SOCS7: variants seen among roughly 807,000 people sequenced by gnomAD.
SOCS7 encodes the protein NAP-4.
Under a neutral mutation model 58.9 loss-of-function variants are expected in SOCS7, and 18 were observed. The observed-to-expected ratio is 0.31, with a 90% confidence interval of 0.21 to 0.45. The LOEUF is 0.45. Among genes scored for constraint, SOCS7 ranks in the 20% least tolerant of loss-of-function variants. SOCS7 has a pLI of 1.00. For missense variants in SOCS7, 667 were observed against 837.3 expected (o/e 0.80, Z 2.51); for synonymous variants, 388 against 364.3 (o/e 1.06, Z -0.74).
At chr17:38,369,443 A>AG (rs1279793774) in intron 6 of SOCS7, among the ~76,000 whole-genome samples, 2 of 152,336 alleles carry the variant, frequency 1.3e-5, no homozygotes, top group East Asian at 3.9e-4. Flanking sequence ...GGAATGAATT[A>AG]GATAACTAGG....
At chr17:38,371,944 G>A (rs1396225977) in intron 6 of SOCS7, among the ~76,000 whole-genome samples, 1 of 151,820 alleles carries the variant, frequency 6.6e-6, no homozygotes, top group East Asian at 1.9e-4. Flanking sequence ...AAGAAGGAAA[G>A]ACTTAGATTT....
chr17:38,364,361 A>G (rs993155899), intron 2 of SOCS7, among the ~76,000 whole-genome samples: 2 of 152,216 alleles, frequency 1.3e-5, no homozygotes, highest in South Asian at 4.1e-4. Flanking sequence ...GTTTGGGCAT[A>G]TAACAAGCCA....
At chr17:38,397,970 C>T (rs2038266233) in intron 9 of SOCS7, among the ~76,000 whole-genome samples, 1 of 152,124 alleles carries the variant, frequency 6.6e-6, no homozygotes, top group African/African-American at 2.4e-5. Context: ...GCAGAGCATT[C>T]TGGGCAAGGG....
At chr17:38,379,148 A>G (rs952750482) in intron 7 of SOCS7, among the ~76,000 whole-genome samples, 1 of 140,140 alleles carries the variant, frequency 7.1e-6, no homozygotes, top group African/African-American at 2.7e-5. Flanking sequence ...ACACAGCGAG[A>G]CCCTGTCTCA....
At chr17:38,366,843 T>C (rs1382514777) in intron 5 of SOCS7, among the ~76,000 whole-genome samples, 1 of 152,202 alleles carries the variant, frequency 6.6e-6, no homozygotes, top group African/African-American at 2.4e-5. Context: ...CTTCCATATT[T>C]ACAGTGACAA....
chr17:38,398,640 T>C (rs1408506392), intron 9 of SOCS7, among the ~76,000 whole-genome samples: 2 of 152,196 alleles, frequency 1.3e-5, no homozygotes, highest in African/African-American at 4.8e-5. Flanking sequence ...CTGCTTGGTC[T>C]ATGTGTGCTG....
At chr17:38,389,902 C>CATATATACGTACATATAT (rs1316838528) in intron 7 of SOCS7, among the ~76,000 whole-genome samples, 2 of 64,684 alleles carry the variant, frequency 3.1e-5, no homozygotes, top group African/African-American at 1.8e-4. Context: ...TATATATACA[C>CATATATACGTACATATAT]ATATAGAGAG....
chr17:38,369,294 C>T (rs1206312458), intron 6 of SOCS7, among the ~76,000 whole-genome samples: 1 of 152,204 alleles, frequency 6.6e-6, no homozygotes, highest in African/African-American at 2.4e-5. Flanking sequence ...CTTCCCCACT[C>T]AGCCCACACT....
At position 38,395,860 on chromosome 17, in the gene SOCS7, T is replaced by G. The variant is rs1424382122; in HGVS notation, c.1830T>G (p.Ser610=). Residue 610 remains serine, a synonymous_variant, in exon 9 of 10, where the codon TCT becomes TCG. Coordinates refer to ENST00000612932, the MANE Select transcript of SOCS7 (RefSeq NM_014598.4). The part of the protein sequence containing the change: ...PDLPLPKPLI[S]YIRKFYYYDP... ...TTGTTTTTCACAGACCTCTGATCTCTTATATCCGAAAGTTCTACTACTATG... is the reference window on the plus strand; with the variant it reads ...TTGTTTTTCACAGACCTCTGATCTCGTATATCCGAAAGTTCTACTACTATG... The G allele has an allele frequency of 6.2e-7, 1 of 1,610,570 alleles. No individual in the cohort carries two copies. The highest frequency in any genetic ancestry group is 2.2e-5 in the East Asian group (1 of 44,872).
At chr17:38,387,523 A>G (rs1346515333) in intron 7 of SOCS7, among the ~76,000 whole-genome samples, 2 of 142,682 alleles carry the variant, frequency 1.4e-5, no homozygotes, top group Non-Finnish European at 3.0e-5. Flanking sequence ...TATATTGTAT[A>G]TATTATATAC....
chr17:38,384,624 C>G (rs2038044181), intron 7 of SOCS7, among the ~76,000 whole-genome samples: 1 of 151,792 alleles, frequency 6.6e-6, no homozygotes, highest in Admixed American at 6.6e-5. Context: ...TGGAGTCTCC[C>G]TCTGTCACCC....
At chr17:38,370,532 G>C (rs1434587740) in intron 6 of SOCS7, among the ~76,000 whole-genome samples, 1 of 151,436 alleles carries the variant, frequency 6.6e-6, no homozygotes, top group Non-Finnish European at 1.5e-5. Context: ...GTAGAGACAG[G>C]GTCTCACTAT....
intron 1 of SOCS7, among the ~76,000 whole-genome samples, chr17:38,359,042 T>G (rs1029451819): frequency 1.3e-5 from 2 of 152,188 alleles, no homozygotes; most frequent in Non-Finnish European, 2.9e-5. Flanking sequence ...CAGCTTCCTT[T>G]GAAAAGAGGC....
chr17:38,352,965 C>G lies in SOCS7; in HGVS notation c.913C>G (p.Leu305Val). The change falls in exon 1 of 10, where the codon CTG (leucine) becomes GTG (valine). Residue 305 changes from leucine to valine, a missense_variant. Coordinates refer to ENST00000612932, the MANE Select transcript of SOCS7 (RefSeq NM_014598.4). The surrounding 1 kb of genome is among the most constrained non-coding windows in gnomAD (Gnocchi z 5.5). ...DGTGKRPSGE[L>V]AASAASLTDM... ...GACCGGCAAGAGGCCTTCTGGAGAG[C>G]TGGCTGCTTCAGCTGCGAGCCTGAC... 6.2e-7 allele frequency: 1 copy of G among 1,607,338 alleles called. No individual in the cohort carries two copies. Among genetic ancestry groups the G allele is most frequent in the Non-Finnish European group, 8.5e-7 (1 of 1,178,350 alleles).
intron 1 of SOCS7, among the ~76,000 whole-genome samples, chr17:38,356,044 C>T (rs1428127493): frequency 4.6e-5 from 7 of 151,950 alleles, no homozygotes; most frequent in Non-Finnish European, 7.4e-5. Flanking sequence ...CCACCACACC[C>T]GGCTCATTTT....
intron 3 of SOCS7, 63 bp from the exon 4 acceptor site, chr17:38,365,245 G>C (rs2037773734): frequency 7.9e-7 from 1 of 1,266,068 alleles, no homozygotes; most frequent in African/African-American, 1.5e-5. Context: ...CCTCTCCTCT[G>C]CCTTCAGCGT....
Position 38,352,438 on chromosome 17 carries a change from T to C in SOCS7, c.386T>C (p.Leu129Pro), listed in dbSNP as rs2144299655. The C allele has an allele frequency of 6.9e-7, 1 of 1,457,288 alleles. No individual in the cohort carries two copies. The allele number at this position is 1,457,288 out of a possible 1,614,324, so 90.3% of individuals were successfully genotyped here. ...GAGGCGCAGTTGGCGGCTCTGGGGC[T>C]CGGGCAGCCGGCGGGGCCGGGGGTC... ...GLEAQLAALG[L>P]GQPAGPGVKT... Residue 129 changes from leucine (L) to proline (P), a missense_variant, in exon 1 of 10, where the codon CTC becomes CCC. Physicochemically the swap from Leu to Pro is moderately conservative, Grantham distance 98. Around this residue, in one of 9 missense-constraint regions of SOCS7, gnomAD observed 154 missense variants for 156.3 expected, o/e 0.98. Coordinates refer to ENST00000612932, the MANE Select transcript of SOCS7 (RefSeq NM_014598.4). The surrounding 1 kb of genome is among the most constrained non-coding windows in gnomAD (Gnocchi z 5.5).
chr17:38,353,309 A>G (rs1464510860), intron 1 of SOCS7, among the ~76,000 whole-genome samples: 1 of 152,132 alleles, frequency 6.6e-6, no homozygotes, highest in East Asian at 1.9e-4. Flanking sequence ...CCATCCTGGC[A>G]TGGCTTTTTA....
intron 7 of SOCS7, among the ~76,000 whole-genome samples, chr17:38,391,839 T>G (rs568028324): frequency 1.3e-5 from 2 of 152,344 alleles, no homozygotes; most frequent in East Asian, 3.8e-4. Flanking sequence ...ATGTGATTCC[T>G]TATCTGATTC....
Sources: allele counts gnomAD v4.1 joint callset (sites outside exome capture counted in the v4.1 genomes callset), GRCh38; gene constraint gnomAD v4.1.1; regional missense constraint gnomAD v4.1.1; non-coding constraint Gnocchi (gnomAD v3.1); transcripts MANE v1.5; gene names NCBI Gene and HGNC (gene_info 2026-07-23, HGNC 2026-07-21).